Variants in OR6N1 observed in about 807,000 individuals in gnomAD.
OR6N1 encodes olfactory receptor 6N1.
For missense variants in OR6N1, 394 were observed against 371.7 expected (o/e 1.06, Z -0.49); for synonymous variants, 170 against 150.7 (o/e 1.13, Z -0.94).
At chr1:158,788,002 C>A in the OR6N1 span, among the ~76,000 whole-genome samples, 6 of 152,140 alleles carry the variant, frequency 3.9e-5, no homozygotes, top group East Asian at 1.2e-3. Context: ...GGGCAGTGAT[C>A]ACAGTGGAAA....
the OR6N1 span, among the ~76,000 whole-genome samples, chr1:158,829,399 C>G: frequency 6.6e-6 from 1 of 152,152 alleles, no homozygotes; most frequent in African/African-American, 2.4e-5. Context: ...TCATCTCTCT[C>G]AAACTCTAAG....
the OR6N1 span, among the ~76,000 whole-genome samples, chr1:158,789,786 T>C: frequency 1.3e-5 from 2 of 152,218 alleles, no homozygotes. Flanking sequence ...ATTGTGTGGG[T>C]TGTCTCTTCA....
the OR6N1 span, among the ~76,000 whole-genome samples, chr1:158,801,061 C>G: frequency 3.9e-5 from 6 of 152,228 alleles, no homozygotes; most frequent in South Asian, 1.2e-3. Flanking sequence ...CCATGCACTC[C>G]TTCCCACCAC....
the OR6N1 span, among the ~76,000 whole-genome samples, chr1:158,815,943 C>G: frequency 1.3e-5 from 2 of 151,956 alleles, no homozygotes; most frequent in Non-Finnish European, 2.9e-5. Context: ...ATCACGAGGT[C>G]AGGAGATCGA....
the OR6N1 span, among the ~76,000 whole-genome samples, chr1:158,834,515 T>C: frequency 6.6e-6 from 1 of 152,192 alleles, no homozygotes; most frequent in African/African-American, 2.4e-5. Context: ...ATTCTGGATA[T>C]AAAGCACTCA....
chr1:158,787,635 T>TCTCTCTCTCACACACACACACACACACA, the OR6N1 span, among the ~76,000 whole-genome samples: 1 of 134,210 alleles, frequency 7.5e-6, no homozygotes, highest in Non-Finnish European at 1.6e-5. Context: ...TCTCTCTCTC[T>TCTCTCTCTCACACACACACACACACACA]CACACACACA....
chr1:158,777,314 C>T, the OR6N1 span: 1 of 1,614,030 alleles, frequency 6.2e-7, no homozygotes, highest in Admixed American at 1.7e-5. Flanking sequence ...TCAGACGCTC[C>T]CAAGGAGTGG....
chr1:158,801,230 T>TG, the OR6N1 span, among the ~76,000 whole-genome samples: 1 of 150,424 alleles, frequency 6.6e-6, no homozygotes, highest in African/African-American at 2.5e-5. Context: ...GAGAAAAAGG[T>TG]GGGGGTGGCG....
the OR6N1 span, among the ~76,000 whole-genome samples, chr1:158,790,501 T>C: frequency 6.7e-6 from 1 of 149,636 alleles, no homozygotes; most frequent in Non-Finnish European, 1.5e-5. Context: ...GCCTCCCGGG[T>C]TCATGCCATT....
At chr1:158,777,481 T>C in the OR6N1 span, 1 of 1,614,158 alleles carries the variant, frequency 6.2e-7, no homozygotes, top group Non-Finnish European at 8.5e-7. Flanking sequence ...CAGAGCTGCA[T>C]CCAGTCGGAT....
chr1:158,837,198 T>C, the OR6N1 span, among the ~76,000 whole-genome samples: 2 of 151,912 alleles, frequency 1.3e-5, no homozygotes, highest in Non-Finnish European at 3.0e-5. Context: ...GTTTTGGATA[T>C]ATCTGTTAGA....
the OR6N1 span, among the ~76,000 whole-genome samples, chr1:158,799,173 G>A: frequency 6.6e-6 from 1 of 152,110 alleles, no homozygotes; most frequent in Non-Finnish European, 1.5e-5. Context: ...AAGATTCCAG[G>A]TGACTTGATC....
rs200212713 is a variant in OR6N1, at chr1:158,766,419, C to T, written c.264G>A (p.Glu88=). 126 of 1,614,084 alleles carry T rather than the reference C, an allele frequency of 7.8e-5. No individual in the cohort carries two copies. Among genetic ancestry groups the T allele is most frequent in the Non-Finnish European group, 3.6e-5 (43 of 1,179,998 alleles). The change falls in exon 2 of 2, where the codon GAG becomes GAA. Residue 88 remains glutamate (E), a synonymous_variant. Transcript: ENST00000641846. The part of the protein sequence containing the change: ...IPKMLANLLS[E]KKTISFSGCL... ...ACCCAGAGAATGAAATGGTCTTTTT[C>T]TCACTGAGCAAGTTTGCCAGCATCT...
At chr1:158,809,985 G>A in the OR6N1 span, among the ~76,000 whole-genome samples, 3 of 152,130 alleles carry the variant, frequency 2.0e-5, no homozygotes, top group Admixed American at 6.5e-5. Context: ...GAAGCCAGAG[G>A]TCCTATGGTA....
the OR6N1 span, among the ~76,000 whole-genome samples, chr1:158,835,370 C>A: frequency 0.051 from 7,717 of 152,014 alleles, 573 homozygotes; most frequent in African/African-American, 0.17. Flanking sequence ...CTATTGTATA[C>A]AGAAAAAGAA....
At chr1:158,823,231 T>A in the OR6N1 span, among the ~76,000 whole-genome samples, 1 of 152,268 alleles carries the variant, frequency 6.6e-6, no homozygotes, top group Middle Eastern at 3.4e-3. Context: ...ACAGAATGAG[T>A]TGGGGCAGAG....
chr1:158,836,017 C>T, the OR6N1 span, among the ~76,000 whole-genome samples: 1 of 151,600 alleles, frequency 6.6e-6, no homozygotes, highest in Non-Finnish European at 1.5e-5. Context: ...CAGTCTTTTA[C>T]CATTAAGAGT....
upstream of OR6N1, chr1:158,775,726 T>G (rs951995110): frequency 6.6e-6 from 1 of 151,738 alleles, no homozygotes; most frequent in Admixed American, 6.6e-5. Context: ...TAAATTGATT[T>G]AAGAATATAT....
the OR6N1 span, among the ~76,000 whole-genome samples, chr1:158,828,095 G>A: frequency 2.0e-5 from 3 of 152,026 alleles, no homozygotes; most frequent in Non-Finnish European, 4.4e-5. Flanking sequence ...TCTCCCACTG[G>A]GTCCCTCCCT....
Sources: allele counts gnomAD v4.1 joint callset (sites outside exome capture counted in the v4.1 genomes callset), GRCh38; gene constraint gnomAD v4.1.1; transcripts MANE v1.5; gene names NCBI Gene and HGNC (gene_info 2026-07-23, HGNC 2026-07-21).